The following PPARGC1A variants were observed in gnomAD, a reference collection of about 807,000 sequenced individuals.
PPARGC1A encodes the protein peroxisome proliferator-activated receptor gamma coactivator 1-alpha.
Under a neutral mutation model 88.7 loss-of-function variants are expected in PPARGC1A, and 25 were observed. The ratio of observed to expected loss-of-function variants is 0.28; its 90% CI spans 0.21 to 0.39. PPARGC1A has a LOEUF of 0.39. Ranked by LOEUF, PPARGC1A falls within the 10% of genes least tolerant of loss-of-function variation. The probability of loss-of-function intolerance (pLI) is 1.00; values close to 1 mark genes in which losing one functional copy is unlikely to be tolerated. For missense variants in PPARGC1A, 880 were observed against 968.7 expected (o/e 0.91, Z 1.22); for synonymous variants, 363 against 355.6 (o/e 1.02, Z -0.24).
the PPARGC1A span, among the ~76,000 whole-genome samples, chr4:23,998,108 C>G: frequency 0.14 from 20,974 of 152,042 alleles, 1,635 homozygotes; most frequent in South Asian, 0.19. Context: ...TCCACATGAC[C>G]CCTGGCAGGT....
At chr4:24,118,789 T>A in the PPARGC1A span, among the ~76,000 whole-genome samples, 1 of 152,154 alleles carries the variant, frequency 6.6e-6, no homozygotes, top group Non-Finnish European at 1.5e-5. Context: ...TGTTGATTGG[T>A]CCTCTGAAAT....
the PPARGC1A span, among the ~76,000 whole-genome samples, chr4:24,122,430 TATATATAGAGAG>T: frequency 1.4e-5 from 2 of 140,510 alleles, no homozygotes; most frequent in South Asian, 2.3e-4. Flanking sequence ...TATATATATA[TATATATAGAGAG>T]AGAGAGAGAG....
the PPARGC1A span, among the ~76,000 whole-genome samples, chr4:24,053,381 T>C: frequency 6.6e-6 from 1 of 152,030 alleles, no homozygotes; most frequent in Non-Finnish European, 1.5e-5. Flanking sequence ...AAGAGCAAAA[T>C]ACAAGAGAGA....
At chr4:23,934,640 A>G in the PPARGC1A span, among the ~76,000 whole-genome samples, 1 of 152,180 alleles carries the variant, frequency 6.6e-6, no homozygotes, top group Admixed American at 6.5e-5. Flanking sequence ...ACATAACTAC[A>G]TGTGTGTGGC....
At chr4:24,142,732 T>A in the PPARGC1A span, among the ~76,000 whole-genome samples, 1 of 151,960 alleles carries the variant, frequency 6.6e-6, no homozygotes, top group Non-Finnish European at 1.5e-5. Context: ...CTCACAGAGA[T>A]GATAGTTTAA....
the PPARGC1A span, among the ~76,000 whole-genome samples, chr4:24,262,299 C>T: frequency 3.3e-5 from 5 of 152,196 alleles, no homozygotes; most frequent in Admixed American, 2.0e-4. Flanking sequence ...GTCCTGTGCT[C>T]ATTCTGGAGG....
At chr4:24,191,787 A>G in the PPARGC1A span, among the ~76,000 whole-genome samples, 3 of 152,240 alleles carry the variant, frequency 2.0e-5, no homozygotes, top group Non-Finnish European at 4.4e-5. Context: ...CATCATGAGA[A>G]CAATAAGGCC....
rs1181168595 is a variant in PPARGC1A at position 23,814,312 on chromosome 4, T to G, written c.1171A>C (p.Asn391His). 6.2e-7 allele frequency: 1 copy of G among 1,613,910 alleles called. No individual in the cohort carries two copies. Among genetic ancestry groups the G allele is most frequent in the Non-Finnish European group, 8.5e-7 (1 of 1,179,990 alleles). ...FGDHDYCQSINSKTEILINIS... is the reference protein window; with the variant it reads ...FGDHDYCQSIHSKTEILINIS... ...TTAATGAGTATTTCTGTTTTGGAAT[T>G]AATTGACTGGCAATAGTCATGGTCA... is the stretch of plus-strand genomic sequence containing the variant. Residue 391 changes from asparagine (N) to histidine (H), a missense_variant, in exon 8 of 13, where the codon AAT (asparagine) becomes CAT (histidine). Transcript: ENST00000264867.
At chr4:23,827,911 G>GA (rs1005499021) in intron 5 of PPARGC1A, among the ~76,000 whole-genome samples, 3 of 151,790 alleles carry the variant, frequency 2.0e-5, no homozygotes, top group Non-Finnish European at 4.4e-5. Context: ...GGAGAAAGAA[G>GA]AAGAAAGAAC....
At chr4:23,889,023 C>T (rs1257904575) in intron 1 of PPARGC1A, 2 of 985,402 alleles carry the variant, frequency 2.0e-6, no homozygotes, top group Non-Finnish European at 2.4e-6. Context: ...AATGCAAACA[C>T]GCCGAGGTCC....
the PPARGC1A span, among the ~76,000 whole-genome samples, chr4:24,014,741 A>T: frequency 6.6e-6 from 1 of 151,978 alleles, no homozygotes; most frequent in Non-Finnish European, 1.5e-5. Flanking sequence ...CTCAGGAAAG[A>T]CCCACCCCCT....
At chr4:23,868,727 G>A (rs761365799) in intron 2 of PPARGC1A, among the ~76,000 whole-genome samples, 5 of 152,216 alleles carry the variant, frequency 3.3e-5, no homozygotes, top group South Asian at 4.1e-4. Flanking sequence ...CCTAAATTTC[G>A]GGACTTAATA....
the PPARGC1A span, among the ~76,000 whole-genome samples, chr4:24,081,560 C>T: frequency 3.3e-5 from 5 of 152,132 alleles, no homozygotes; most frequent in Admixed American, 6.6e-5. Flanking sequence ...ACATGAAGAT[C>T]TTACTTTTCC....
the PPARGC1A span, among the ~76,000 whole-genome samples, chr4:24,181,886 C>T: frequency 3.9e-5 from 6 of 152,036 alleles, no homozygotes; most frequent in Admixed American, 1.3e-4. Flanking sequence ...GACCTTACCC[C>T]GAGAAAACAA....
intron 5 of PPARGC1A, among the ~76,000 whole-genome samples, chr4:23,825,992 G>A (rs2970856): frequency 0.82 from 124,760 of 152,130 alleles, 51,315 homozygotes; most frequent in African/African-American, 0.87. Context: ...CCAGATATTA[G>A]CTATATGCTA....
the PPARGC1A span, among the ~76,000 whole-genome samples, chr4:24,274,766 G>C: frequency 6.6e-6 from 1 of 152,094 alleles, no homozygotes; most frequent in Non-Finnish European, 1.5e-5. Context: ...CTACCCAGTT[G>C]CTCCCTTTTT....
At chr4:24,466,916 G>A in the PPARGC1A span, among the ~76,000 whole-genome samples, 2 of 135,916 alleles carry the variant, frequency 1.5e-5, no homozygotes, top group Non-Finnish European at 1.6e-5. Flanking sequence ...AGGAAGGAAG[G>A]AAGGGAAGGA....
chr4:24,140,218 T>C, the PPARGC1A span, among the ~76,000 whole-genome samples: 1 of 152,006 alleles, frequency 6.6e-6, no homozygotes, highest in Admixed American at 6.5e-5. Context: ...AAACACAAGG[T>C]GGGGTGGAGG....
chr4:23,858,232 T>C (rs543628053), intron 2 of PPARGC1A, among the ~76,000 whole-genome samples: 1 of 152,236 alleles, frequency 6.6e-6, no homozygotes, highest in East Asian at 1.9e-4. Context: ...CAATGCATTG[T>C]CTCATTTAAT....
Sources: gnomAD v4.1 joint callset for allele counts (sites outside exome capture counted in the v4.1 genomes callset) on GRCh38, gnomAD v4.1.1 for gene constraint, MANE v1.5 for transcripts, NCBI Gene and HGNC (gene_info 2026-07-23, HGNC 2026-07-21) for gene names.